Variants in LGR6 observed in about 807,000 individuals in gnomAD.
LGR6 encodes the protein leucine-rich repeat-containing G protein-coupled receptor 6.
Under a neutral mutation model 69.4 loss-of-function variants are expected in LGR6, and 45 were observed. That is an observed-to-expected ratio of 0.65 (90% CI 0.51 to 0.83). The LOEUF is 0.83. Ranked by LOEUF, LGR6 falls within the 40% of genes least tolerant of loss-of-function variation. The pLI is 0.00. For synonymous variants in LGR6, 538 were observed against 555.0 expected (o/e 0.97, Z 0.43); for missense variants, 1,108 against 1,246.7 (o/e 0.89, Z 1.68).
At chr1:202,310,916 G>A (rs1224384619) in intron 16 of LGR6, among the ~76,000 whole-genome samples, 1 of 152,068 alleles carries the variant, frequency 6.6e-6, no homozygotes. Flanking sequence ...TGGCCGCCAG[G>A]TGCAAGAGAC....
In LGR6 at chr1:202,193,913, C is replaced by T; in HGVS notation, c.-77C>T. 4 of 972,550 alleles carry T rather than the reference C, an allele frequency of 4.1e-6. No individual in the cohort carries two copies. Among genetic ancestry groups the T allele is most frequent in the Non-Finnish European group, 5.3e-6 (4 of 748,364 alleles). The allele number at this position is 972,550 out of a possible 1,614,324, so 60.2% of individuals were successfully genotyped here. On this transcript the variant is annotated 5_prime_UTR_variant, in exon 1 of 18. Coordinates refer to ENST00000367278, the MANE Select transcript of LGR6 (RefSeq NM_001017403.2). ...CACCGACGGTGCAGCCCGCCGGGACCGGGAGGAAGCAGCTGCGGCCATCGC... is the reference window on the plus strand; with the variant it reads ...CACCGACGGTGCAGCCCGCCGGGACTGGGAGGAAGCAGCTGCGGCCATCGC...
chr1:202,319,396 TTTC>T lies in LGR6; in HGVS notation c.*190_*192del, dbSNP rs1260065306. ...ACCAACGGGTGCCTCTTGGCCTGGCTTTCCCTTGGCCTTCCTCAGCTTCACCTT... is the reference window on the plus strand; with the variant it reads ...ACCAACGGGTGCCTCTTGGCCTGGCTCCTTGGCCTTCCTCAGCTTCACCTT... On this transcript the variant is annotated 3_prime_UTR_variant, in exon 18 of 18. Coordinates refer to ENST00000367278, the MANE Select transcript of LGR6 (RefSeq NM_001017403.2). 5.0e-6 allele frequency: 3 copies of T among 599,428 alleles called. No individual in the cohort carries two copies. The East Asian group carries it at 8.9e-5, about 18-fold the overall frequency. 37.1% of individuals were successfully genotyped at this position (599,428 alleles called of 1,614,324 possible).
intron 4 of LGR6, among the ~76,000 whole-genome samples, chr1:202,260,774 A>C (rs916132825): frequency 2.6e-5 from 4 of 152,112 alleles, no homozygotes; most frequent in African/African-American, 9.7e-5. Flanking sequence ...CAACTAACTA[A>C]TATATTTTTT....
intron 6 of LGR6, among the ~76,000 whole-genome samples, chr1:202,284,314 A>G (rs1266708378): frequency 6.6e-6 from 1 of 152,162 alleles, no homozygotes; most frequent in East Asian, 1.9e-4. Context: ...TACTTCCACA[A>G]TGAGGATGAC....
chr1:202,297,605 G>A (rs1667256549), intron 7 of LGR6, 29 bp downstream of exon 7: 1 of 1,597,030 alleles, frequency 6.3e-7, no homozygotes, highest in Non-Finnish European at 8.6e-7. Flanking sequence ...TTCTGTGGGT[G>A]TCCTTCTGTC....
intron 1 of LGR6, among the ~76,000 whole-genome samples, chr1:202,209,814 T>C (rs1466773316): frequency 6.6e-6 from 1 of 152,092 alleles, no homozygotes. Flanking sequence ...GAATCTTCAT[T>C]TTAGGGTTTG....
chr1:202,292,074 A>T (rs1666836141), intron 6 of LGR6, among the ~76,000 whole-genome samples: 1 of 152,216 alleles, frequency 6.6e-6, no homozygotes, highest in Non-Finnish European at 1.5e-5. Flanking sequence ...GGCGCAAGTA[A>T]CTACACAAGG....
At chr1:202,218,264 G>C (rs566545170) in intron 1 of LGR6, among the ~76,000 whole-genome samples, 2 of 151,886 alleles carry the variant, frequency 1.3e-5, no homozygotes, top group South Asian at 2.1e-4. Context: ...TGCTATTCAG[G>C]GGGTGTTTGG....
intron 5 of LGR6, among the ~76,000 whole-genome samples, chr1:202,278,216 A>G (rs1402277201): frequency 6.6e-6 from 1 of 152,170 alleles, no homozygotes; most frequent in Admixed American, 6.5e-5. Flanking sequence ...CTTGGTATCA[A>G]AGTCCAGTAG....
At chr1:202,272,502 A>G (rs1489539879) in intron 4 of LGR6, among the ~76,000 whole-genome samples, 1 of 152,204 alleles carries the variant, frequency 6.6e-6, no homozygotes, top group Non-Finnish European at 1.5e-5. Context: ...CTGCTCTACC[A>G]TGCCACTTAG....
chr1:202,267,871 A>G (rs1330039604), intron 4 of LGR6, among the ~76,000 whole-genome samples: 1 of 152,196 alleles, frequency 6.6e-6, no homozygotes, highest in Non-Finnish European at 1.5e-5. Context: ...ATTTAATCCA[A>G]TCCTATTGAA....
chr1:202,203,539 G>GCATT (rs74629379), intron 1 of LGR6, among the ~76,000 whole-genome samples: 8,627 of 152,118 alleles, frequency 0.057, 353 homozygotes, highest in Admixed American at 0.13. Flanking sequence ...TGAGGAGCAA[G>GCATT]CATTCATTCA....
chr1:202,317,842 G>T (rs893687669), intron 17 of LGR6, 110 bp from the exon 18 acceptor site: 2 of 1,141,682 alleles, frequency 1.8e-6, no homozygotes, highest in Non-Finnish European at 2.5e-6. Flanking sequence ...CAAGGGCCAT[G>T]TTCATCTCCT....
At chr1:202,223,118 C>T (rs1660281900) in intron 1 of LGR6, among the ~76,000 whole-genome samples, 1 of 151,974 alleles carries the variant, frequency 6.6e-6, no homozygotes, top group Non-Finnish European at 1.5e-5. Flanking sequence ...AATCCATCAA[C>T]AAACTCTCTG....
chr1:202,249,321 T>A (rs1001435642), intron 4 of LGR6, among the ~76,000 whole-genome samples: 6 of 152,308 alleles, frequency 3.9e-5, no homozygotes, highest in Middle Eastern at 3.4e-3. Flanking sequence ...TTCTCCTAGA[T>A]CTCTCCTCTC....
At chr1:202,231,140 T>G (rs1661005831) in intron 3 of LGR6, among the ~76,000 whole-genome samples, 1 of 152,152 alleles carries the variant, frequency 6.6e-6, no homozygotes, top group Non-Finnish European at 1.5e-5. Context: ...GGAGTTAGCA[T>G]CTCCGGGACC....
chr1:202,313,485 A>G (rs1353327862), intron 16 of LGR6, among the ~76,000 whole-genome samples: 1 of 152,110 alleles, frequency 6.6e-6, no homozygotes, highest in Non-Finnish European at 1.5e-5. Flanking sequence ...TAGTCAGACA[A>G]ACCTGCATCT....
chr1:202,309,077 C>T lies in LGR6; in HGVS notation c.1307C>T (p.Thr436Ile), dbSNP rs368188455. ...GACCTGACAGACAACCAGCTGACCA[C>T]ACTGCCCCTGGCTGGACTTGGGGGC... ...KLDLTDNQLT[T>I]LPLAGLGGLM... is the part of the protein sequence containing the mutation. Residue 436 changes from threonine to isoleucine, a missense_variant, in exon 15 of 18, where the codon ACA (threonine) becomes ATA (isoleucine). Thr to Ile is a moderately conservative substitution (Grantham distance 89). Transcript: ENST00000367278. The T allele has an allele frequency of 1.9e-6, 3 of 1,614,052 alleles. No individual in the cohort carries two copies. The highest frequency in any genetic ancestry group is 2.7e-5 in the African/African-American group (2 of 74,930).
chr1:202,281,079 A>T lies in LGR6; in HGVS notation c.716+227A>T, dbSNP rs955727419. On this transcript the variant is annotated intron_variant, in intron 6 of 17. Transcript: ENST00000367278. Reference sequence around the variant, plus strand: ...CAGAATGTGCCCTCTGGGAGTTCAGAATGGCCCAGGGAGTAGGAACCTGGG... The same window carrying T: ...CAGAATGTGCCCTCTGGGAGTTCAGTATGGCCCAGGGAGTAGGAACCTGGG... 13 of 526,728 alleles carry T rather than the reference A, an allele frequency of 2.5e-5. 1 individual carries two copies. Among genetic ancestry groups the T allele is most frequent in the Middle Eastern group, 4.6e-4 (1 of 2,184 alleles). 32.6% of individuals were successfully genotyped at this position (526,728 alleles called of 1,614,324 possible).
Sources: gnomAD v4.1 joint callset for allele counts (sites outside exome capture counted in the v4.1 genomes callset) on GRCh38, gnomAD v4.1.1 for gene constraint, MANE v1.5 for transcripts, NCBI Gene and HGNC (gene_info 2026-07-23, HGNC 2026-07-21) for gene names.